The following MACROD1 variants were observed in gnomAD, a reference collection of about 807,000 sequenced individuals.
MACROD1 encodes the protein mono-ADP ribosylhydrolase 1.
Under a neutral mutation model 41.4 loss-of-function variants are expected in MACROD1, and 31 were observed. The observed-to-expected ratio is 0.75, with a 90% CI of 0.56 to 1.01. The LOEUF is 1.01. Among genes scored for constraint, MACROD1 ranks in the 50% least tolerant of loss-of-function variants. MACROD1 has a pLI of 0.00. For synonymous variants in MACROD1, 252 were observed against 203.4 expected (o/e 1.24, Z -2.03); for missense variants, 473 against 460.0 (o/e 1.03, Z -0.26).
chr11:64,029,207 T>G (rs1186393979), intron 3 of MACROD1, among the ~76,000 whole-genome samples: 1 of 152,100 alleles, frequency 6.6e-6, no homozygotes, highest in Non-Finnish European at 1.5e-5. Context: ...TGCTGGGATG[T>G]GGGCGCTGGG....
intron 3 of MACROD1, among the ~76,000 whole-genome samples, chr11:64,085,077 G>A (rs142121302): frequency 1.8e-4 from 27 of 152,220 alleles, no homozygotes; most frequent in Admixed American, 4.6e-4. Flanking sequence ...TCATTGCACA[G>A]ATCCCCCAAC....
chr11:64,152,911 A>T (rs1945604699), intron 1 of MACROD1, among the ~76,000 whole-genome samples: 2 of 152,162 alleles, frequency 1.3e-5, no homozygotes, highest in African/African-American at 4.8e-5. Flanking sequence ...GACCAAGTGG[A>T]CCTGGCACCT....
rs373245806 is a variant in MACROD1 at position 64,015,290 on chromosome 11, G to C, written c.518-9C>G. 92 of 1,606,350 alleles carry C rather than the reference G, an allele frequency of 5.7e-5. No individual in the cohort carries two copies. In the African/African-American group the frequency reaches 9.5e-4, roughly 17 times the overall value. On this transcript the variant is annotated splice_polypyrimidine_tract_variant and intron_variant, in intron 3 of 10. Transcript: ENST00000255681. ...GAGCAGGGAGCTGTTGGCTGCAAGA[G>C]AGAGAGACAAAGGCAGATCAGTGGG...
intron 3 of MACROD1, among the ~76,000 whole-genome samples, chr11:64,020,933 TCTCGAA>T (rs1277368785): frequency 6.6e-6 from 1 of 152,018 alleles, no homozygotes; most frequent in Non-Finnish European, 1.5e-5. Flanking sequence ...GCCAGGCTGG[TCTCGAA>T]CTCCTGAGCT....
chr11:64,144,148 C>T (rs958235699), intron 3 of MACROD1, among the ~76,000 whole-genome samples: 3 of 151,808 alleles, frequency 2.0e-5, no homozygotes, highest in Non-Finnish European at 4.4e-5. Context: ...CACAGTGTCC[C>T]GTCCACCTCG....
intron 3 of MACROD1, among the ~76,000 whole-genome samples, chr11:64,021,846 A>G (rs1943156483): frequency 1.3e-5 from 2 of 150,170 alleles, no homozygotes; most frequent in Admixed American, 6.6e-5. Context: ...GGAGACCATC[A>G]GGAAAGACAG....
At chr11:64,023,386 G>T (rs1477157822) in intron 3 of MACROD1, among the ~76,000 whole-genome samples, 1 of 152,128 alleles carries the variant, frequency 6.6e-6, no homozygotes, top group South Asian at 2.1e-4. Context: ...TGTAGGGGGG[G>T]TGATCATTTA....
intron 3 of MACROD1, among the ~76,000 whole-genome samples, chr11:64,058,179 C>A (rs1309914860): frequency 6.6e-6 from 1 of 152,262 alleles, no homozygotes; most frequent in Admixed American, 6.5e-5. Flanking sequence ...TGTCCACCCA[C>A]GAAATGACTA....
At chr11:64,072,104 T>C (rs971192428) in intron 3 of MACROD1, among the ~76,000 whole-genome samples, 1 of 152,196 alleles carries the variant, frequency 6.6e-6, no homozygotes, top group African/African-American at 2.4e-5. Flanking sequence ...GCTGAACTCA[T>C]AACCGCTGGG....
At chr11:64,017,309 G>A (rs1177910522) in intron 3 of MACROD1, among the ~76,000 whole-genome samples, 1 of 152,284 alleles carries the variant, frequency 6.6e-6, no homozygotes, top group East Asian at 1.9e-4. Flanking sequence ...TATTTGCTGG[G>A]TGTAGACGGG....
chr11:64,007,755 G>A (rs955019826), intron 4 of MACROD1, among the ~76,000 whole-genome samples: 4 of 152,104 alleles, frequency 2.6e-5, no homozygotes, highest in African/African-American at 9.7e-5. Flanking sequence ...AGAGGGTCCC[G>A]GCACGCCCAC....
At chr11:64,157,615 C>A (rs1367590514) in intron 1 of MACROD1, among the ~76,000 whole-genome samples, 1 of 152,212 alleles carries the variant, frequency 6.6e-6, no homozygotes, top group Non-Finnish European at 1.5e-5. Flanking sequence ...CCAGACGAAG[C>A]TTCCAGCGGC....
intron 4 of MACROD1, among the ~76,000 whole-genome samples, chr11:64,013,089 CA>C (rs1420267632): frequency 6.6e-6 from 1 of 152,144 alleles, no homozygotes; most frequent in Non-Finnish European, 1.5e-5. Flanking sequence ...CTCGGCCTCC[CA>C]AAGTGCTAGG....
At chr11:64,034,280 T>C (rs1943332487) in intron 3 of MACROD1, among the ~76,000 whole-genome samples, 1 of 152,250 alleles carries the variant, frequency 6.6e-6, no homozygotes, top group Non-Finnish European at 1.5e-5. Context: ...CAGCCGTCTC[T>C]GCATGGACAA....
intron 3 of MACROD1, among the ~76,000 whole-genome samples, chr11:64,144,637 G>T (rs904059656): frequency 2.6e-5 from 4 of 151,768 alleles, no homozygotes; most frequent in East Asian, 3.9e-4. Context: ...CCCCACCTGC[G>T]CTTGGCTTCC....
intron 3 of MACROD1, among the ~76,000 whole-genome samples, chr11:64,048,673 A>G (rs2134406121): frequency 6.9e-6 from 1 of 143,914 alleles, no homozygotes; most frequent in Non-Finnish European, 1.5e-5. Flanking sequence ...AAGCAGCCCT[A>G]CAAAGTGCCT....
chr11:64,054,152 G>GCC (rs1383167203), intron 3 of MACROD1, among the ~76,000 whole-genome samples: 3 of 152,184 alleles, frequency 2.0e-5, no homozygotes, highest in Non-Finnish European at 4.4e-5. Context: ...CCCACGGCTA[G>GCC]CCAGGGTCAG....
intron 3 of MACROD1, among the ~76,000 whole-genome samples, chr11:64,031,661 A>G (rs575421207): frequency 7.2e-5 from 11 of 152,166 alleles, no homozygotes; most frequent in African/African-American, 2.7e-4. Flanking sequence ...TATTTTTAGT[A>G]GAGACGGGGT....
At chr11:64,104,877 C>T (rs1003466023) in intron 3 of MACROD1, among the ~76,000 whole-genome samples, 10 of 152,190 alleles carry the variant, frequency 6.6e-5, no homozygotes, top group Admixed American at 5.2e-4. Flanking sequence ...CCAGGGATCC[C>T]AGGAGGCCAG....
Sources: allele counts gnomAD v4.1 joint callset (sites outside exome capture counted in the v4.1 genomes callset), GRCh38; gene constraint gnomAD v4.1.1; transcripts MANE v1.5; gene names NCBI Gene and HGNC (gene_info 2026-07-23, HGNC 2026-07-21).